Variants in DENND1A observed in about 807,000 individuals in gnomAD.
The protein encoded by DENND1A is DENN domain-containing protein 1A.
DENND1A carries 51 observed loss-of-function variants against 113.7 expected under a neutral mutation model. The observed-to-expected ratio is 0.45, with a 90% CI of 0.36 to 0.57. The LOEUF is 0.57. Among genes scored for constraint, DENND1A ranks in the 20% least tolerant of loss-of-function variants. The pLI, the probability that DENND1A is intolerant of heterozygous loss-of-function variation, is 0.00. For missense variants in DENND1A, 1,258 were observed against 1,395.9 expected, an observed-to-expected ratio of 0.90 and a Z score of 1.57; for synonymous variants, 565 against 570.8, an observed-to-expected ratio of 0.99 and a Z score of 0.14.
intron 8 of DENND1A, among the ~76,000 whole-genome samples, chr9:123,656,184 G>C (rs369423400): frequency 2.0e-5 from 3 of 152,298 alleles, no homozygotes; most frequent in African/African-American, 7.2e-5. Flanking sequence ...GCATATTCCA[G>C]GCAGAGGCAA....
chr9:123,590,801 T>C (rs1312509076), intron 11 of DENND1A, among the ~76,000 whole-genome samples: 1 of 152,168 alleles, frequency 6.6e-6, no homozygotes, highest in Admixed American at 6.5e-5. Context: ...TGTGATCAGT[T>C]ATACCTCAAT....
intron 5 of DENND1A, among the ~76,000 whole-genome samples, chr9:123,686,346 A>C (rs997310805): frequency 2.6e-5 from 4 of 152,244 alleles, no homozygotes; most frequent in Non-Finnish European, 5.9e-5. Flanking sequence ...GACCTGCTCT[A>C]AACAGTACAA....
chr9:123,384,031 G>A lies in DENND1A; in HGVS notation c.1761-118C>T, dbSNP rs1402154444. ...GTGCACGCAGGGGCCTGCGGGACAGGAGAGTGTCCCGGGGTCTCCGTGAGG... is the reference window on the plus strand; with the variant it reads ...GTGCACGCAGGGGCCTGCGGGACAGAAGAGTGTCCCGGGGTCTCCGTGAGG... On this transcript the variant is annotated intron_variant, in intron 22 of 23. Transcript: ENST00000394215. The A allele has an allele frequency of 5.1e-6, 7 of 1,363,556 alleles. No homozygotes were observed. In the African/African-American group the frequency reaches 1.0e-4, roughly 20 times the overall value. 84.5% of individuals were successfully genotyped at this position (1,363,556 alleles called of 1,614,324 possible).
At chr9:123,589,058 G>A (rs941512324) in intron 11 of DENND1A, among the ~76,000 whole-genome samples, 7 of 152,056 alleles carry the variant, frequency 4.6e-5, no homozygotes, top group East Asian at 1.9e-4. Flanking sequence ...GAGCCACTGC[G>A]TTTGGCCAGT....
chr9:123,814,103 C>T (rs1837079020), intron 2 of DENND1A, among the ~76,000 whole-genome samples: 1 of 152,092 alleles, frequency 6.6e-6, no homozygotes, highest in Admixed American at 6.5e-5. Flanking sequence ...TATCAACCAG[C>T]TAAATTTGAA....
At chr9:123,914,519 T>C (rs1588225093) in intron 1 of DENND1A, among the ~76,000 whole-genome samples, 1 of 126,808 alleles carries the variant, frequency 7.9e-6, no homozygotes, top group South Asian at 2.4e-4. Context: ...CACTCCAGCC[T>C]GGGCAACAGA....
intron 2 of DENND1A, among the ~76,000 whole-genome samples, chr9:123,812,081 C>A (rs1377003770): frequency 6.6e-6 from 1 of 152,170 alleles, no homozygotes; most frequent in Admixed American, 6.5e-5. Context: ...TTATCCTCCT[C>A]CTTCCCTTTC....
chr9:123,414,767 C>T (rs2044589357), intron 19 of DENND1A, among the ~76,000 whole-genome samples: 2 of 152,124 alleles, frequency 1.3e-5, no homozygotes, highest in Admixed American at 1.3e-4. Context: ...TGTTCAAAGC[C>T]CTCCAGATTC....
chr9:123,707,370 G>C (rs1283874558), intron 5 of DENND1A, among the ~76,000 whole-genome samples: 3 of 151,712 alleles, frequency 2.0e-5, no homozygotes, highest in African/African-American at 7.3e-5. Context: ...CTCCAGCCTG[G>C]GGAACAAGAG....
chr9:123,895,057 T>C (rs566752822), intron 1 of DENND1A, among the ~76,000 whole-genome samples: 1 of 151,056 alleles, frequency 6.6e-6, no homozygotes, highest in South Asian at 2.1e-4. Flanking sequence ...AGCTGCAAGT[T>C]CCTTTTTTTT....
At chr9:123,580,865 G>C (rs777653411) in intron 12 of DENND1A, among the ~76,000 whole-genome samples, 22 of 152,186 alleles carry the variant, frequency 1.4e-4, no homozygotes, top group Non-Finnish European at 2.4e-4. Context: ...TGCTGCCTCA[G>C]AGGGAGGCGG....
chr9:123,812,900 GA>G (rs1172311817), intron 2 of DENND1A, among the ~76,000 whole-genome samples: 1 of 152,060 alleles, frequency 6.6e-6, no homozygotes, highest in African/African-American at 2.4e-5. Context: ...CAAAGTTTCA[GA>G]TTTTAGTGTA....
chr9:123,842,566 A>T (rs1287762415), intron 2 of DENND1A, among the ~76,000 whole-genome samples: 2 of 152,228 alleles, frequency 1.3e-5, no homozygotes, highest in African/African-American at 4.8e-5. Context: ...CAAACTACCA[A>T]AACTGATTTA....
intron 3 of DENND1A, among the ~76,000 whole-genome samples, chr9:123,782,143 C>A (rs1831416237): frequency 6.6e-6 from 1 of 152,056 alleles, no homozygotes; most frequent in African/African-American, 2.4e-5. Flanking sequence ...ATAAATAATA[C>A]ATGAATAATA....
At chr9:123,473,890 G>A (rs2049664057) in intron 13 of DENND1A, among the ~76,000 whole-genome samples, 2 of 152,002 alleles carry the variant, frequency 1.3e-5, no homozygotes, top group Admixed American at 1.3e-4. Context: ...TTCGGTGGCT[G>A]AGCTTCTGCT....
At chr9:123,704,059 T>G (rs527412025) in intron 5 of DENND1A, among the ~76,000 whole-genome samples, 55 of 152,108 alleles carry the variant, frequency 3.6e-4, no homozygotes, top group African/African-American at 1.3e-3. Flanking sequence ...ACTGATACAA[T>G]TAAATGCCAG....
In DENND1A at chr9:123,557,725, T is replaced by C. The variant is rs758669758; in HGVS notation, c.868-30A>G. ...TGATGGAGAGAAGGAAAACACAGGT[T>C]GAGGACAGGGTCAAAGTAGGGTGGC... On this transcript the variant is annotated intron_variant, in intron 12 of 23. Coordinates refer to ENST00000394215, the MANE Select transcript of DENND1A (RefSeq NM_001352964.2). 1.3e-5 allele frequency: 21 copies of C among 1,612,316 alleles called. No individual in the cohort carries two copies. The Admixed American group carries it at 3.3e-4, about 26-fold the overall frequency.
At chr9:123,657,332 C>A (rs939184276) in intron 8 of DENND1A, among the ~76,000 whole-genome samples, 3 of 151,746 alleles carry the variant, frequency 2.0e-5, no homozygotes, top group Non-Finnish European at 4.4e-5. Flanking sequence ...CTGCACCAAT[C>A]CAGGTGGCTG....
chr9:123,404,504 G>A (rs892222449), intron 20 of DENND1A, among the ~76,000 whole-genome samples: 7 of 152,134 alleles, frequency 4.6e-5, no homozygotes, highest in Middle Eastern at 3.2e-3. Flanking sequence ...TGCCACAACT[G>A]CTGAGTTTCC....
Sources: allele counts gnomAD v4.1 joint callset (sites outside exome capture counted in the v4.1 genomes callset), GRCh38; gene constraint gnomAD v4.1.1; transcripts MANE v1.5; gene names NCBI Gene and HGNC (gene_info 2026-07-23, HGNC 2026-07-21).